Variants in ILKAP observed in about 807,000 individuals in gnomAD.
ILKAP encodes the protein integrin-linked kinase-associated serine/threonine phosphatase 2C.
A neutral mutation model predicts 49.1 loss-of-function variants in ILKAP; 11 were observed. The ratio of observed to expected loss-of-function variants is 0.22; its 90% CI spans 0.14 to 0.37. The LOEUF (loss-of-function observed/expected upper bound fraction) is 0.37, where lower values mean the gene tolerates loss of function less well. Among genes scored for constraint, ILKAP ranks in the 10% least tolerant of loss-of-function variants. The pLI, the probability that ILKAP is intolerant of heterozygous loss-of-function variation, is 1.00. For synonymous variants in ILKAP, 186 were observed against 192.8 expected, an observed-to-expected ratio of 0.96 and a Z score of 0.29; for missense variants, 363 against 510.8, an observed-to-expected ratio of 0.71 and a Z score of 2.79.
chr2:238,192,151 G>C (rs1439921387), intron 3 of ILKAP, among the ~76,000 whole-genome samples: 1 of 149,422 alleles, frequency 6.7e-6, no homozygotes, highest in Non-Finnish European at 1.5e-5. Context: ...AGGTTGCAGT[G>C]AGCTGAGATC....
In ILKAP at chr2:238,203,607, C is replaced by A; in HGVS notation, c.-54G>T. 1.9e-6 allele frequency: 2 copies of A among 1,072,330 alleles called. No individual in the cohort carries two copies. 66.4% of individuals were successfully genotyped at this position (1,072,330 alleles called of 1,614,324 possible). On this transcript the variant is annotated 5_prime_UTR_variant, in exon 1 of 12. Coordinates refer to ENST00000254654, the MANE Select transcript of ILKAP (RefSeq NM_030768.3). ...CGACAGACACTCAGCCCGCGAGCAG[C>A]GGCCGGGCTCCACACCCCGGGCGGG... is the stretch of plus-strand genomic sequence containing the variant.
At chr2:238,170,837 A>G in intron 11 of ILKAP, 106 bp downstream of exon 11, 1 of 1,443,174 alleles carries the variant, frequency 6.9e-7, no homozygotes, top group Non-Finnish European at 9.8e-7. Flanking sequence ...GAAAAAGGGC[A>G]CAAGGGCTGT....
intron 9 of ILKAP, among the ~76,000 whole-genome samples, chr2:238,174,371 C>T (rs1693356010): frequency 1.3e-5 from 2 of 152,202 alleles, no homozygotes; most frequent in South Asian, 2.1e-4. Context: ...GTCTAGGCTG[C>T]AGCACTGTCA....
Position 238,173,639 on chromosome 2 carries a change from A to C in ILKAP, c.851T>G (p.Leu284Trp). ...AGGNVRDGRV[L>W]GVLEVSRSIG... ...GGAGCGTGACACCTCTAGCACGCCC[A>C]AAACACGCCCATCCCTAAAATGAGA... Residue 284 changes from leucine to tryptophan, a missense_variant, in exon 10 of 12, where the codon TTG (leucine) becomes TGG (tryptophan). Leu to Trp is a moderately conservative substitution (Grantham distance 61, BLOSUM62 -2). This residue lies in a region of ILKAP where 166 missense variants were observed against 307.3 expected (regional missense o/e 0.54). Transcript: ENST00000254654. 2 of 1,613,730 alleles carry C rather than the reference A, an allele frequency of 1.2e-6. No homozygotes were observed. Among genetic ancestry groups the C allele is most frequent in the Non-Finnish European group, 1.7e-6 (2 of 1,179,646 alleles).
intron 1 of ILKAP, among the ~76,000 whole-genome samples, chr2:238,195,983 T>G (rs1694325333): frequency 8.3e-6 from 1 of 121,024 alleles, no homozygotes; most frequent in East Asian, 2.7e-4. Context: ...GGCCAAGGCT[T>G]CAGTGAGCCA....
In ILKAP at chr2:238,183,541, GA is replaced by G. The variant is rs1363312160; in HGVS notation, c.714+111del. On this transcript the variant is annotated intron_variant, in intron 8 of 11. Coordinates refer to ENST00000254654, the MANE Select transcript of ILKAP (RefSeq NM_030768.3). ...AGAACACTCTGCAGCAACCCCAGAA[GA>G]AAGGTTTCAACCAGACACCATCACT... 5 of 771,990 alleles carry G rather than the reference GA, an allele frequency of 6.5e-6. No homozygotes were observed. In the Admixed American group the frequency reaches 1.1e-4, roughly 18 times the overall value. 47.8% of individuals were successfully genotyped at this position (771,990 alleles called of 1,614,324 possible).
rs34504570 is a variant in ILKAP at position 238,196,086 on chromosome 2, CTTTT to C, written c.56-1220_56-1217del. Among the ~76,000 whole-genome samples, 51 of 77,458 alleles carry C rather than the reference CTTTT, an allele frequency of 6.6e-4. No individual in the cohort carries two copies. In the East Asian group the frequency reaches 8.0e-3, roughly 12 times the overall value. The allele number at this position is 77,458 out of a possible 152,430, so 50.8% of individuals were successfully genotyped here. A position where few individuals can be genotyped will look rare whatever the true frequency, so the allele number is the denominator to read the frequency against. ...AAGTACTCACTTAAAAACCAATTCA[CTTTT>C]TTTTTTTTTTTTTTTTTTTTTGAGA... On this transcript the variant is annotated intron_variant, in intron 1 of 11. Transcript: ENST00000254654.
chr2:238,203,651 G>T lies in ILKAP; in HGVS notation c.-98C>A. On this transcript the variant is annotated 5_prime_UTR_variant, in exon 1 of 12. Coordinates refer to ENST00000254654, the MANE Select transcript of ILKAP (RefSeq NM_030768.3). Reference sequence around the variant, plus strand: ...GGGCGGGCGGCAGCAGCGGGCGGGCGACGGGCAGGGGCGGCCGGCGCCGTC... The same window carrying T: ...GGGCGGGCGGCAGCAGCGGGCGGGCTACGGGCAGGGGCGGCCGGCGCCGTC... 1 of 676,696 alleles carries T rather than the reference G, an allele frequency of 1.5e-6. No homozygotes were observed. Among genetic ancestry groups the T allele is most frequent in the Non-Finnish European group, 1.9e-6 (1 of 514,364 alleles). The allele number at this position is 676,696 out of a possible 1,614,324, so 41.9% of individuals were successfully genotyped here.
intron 9 of ILKAP, among the ~76,000 whole-genome samples, chr2:238,177,498 T>C (rs1693511462): frequency 6.6e-6 from 1 of 152,180 alleles, no homozygotes; most frequent in Non-Finnish European, 1.5e-5. Flanking sequence ...CCAGAATTCA[T>C]ACCCCACACC....
intron 1 of ILKAP, among the ~76,000 whole-genome samples, chr2:238,198,352 C>T (rs1694431845): frequency 6.6e-6 from 1 of 152,052 alleles, no homozygotes; most frequent in Non-Finnish European, 1.5e-5. Flanking sequence ...AATCCTCCCT[C>T]GTCAGATTCC....
intron 1 of ILKAP, among the ~76,000 whole-genome samples, chr2:238,195,997 T>A (rs866345288): frequency 9.5e-6 from 1 of 104,834 alleles, no homozygotes; most frequent in South Asian, 3.4e-4. Flanking sequence ...TGAGCCATGA[T>A]TGGGCCACTG....
Position 238,194,284 on chromosome 2 carries a change from C to T in ILKAP, c.169G>A (p.Gly57Ser). ...TTTTCCTACCACTTACCTGAATCGC[C>T]ACTGCTAGCGGGTGGGAGATCATCA... ...LFDDLPPASS[G>S]DSGSLATSIS... Residue 57 changes from glycine (G) to serine (S), a missense_variant, in exon 3 of 12, where the codon GGC becomes AGC. Physicochemically the swap from Gly to Ser is moderately conservative, Grantham distance 56. Coordinates refer to ENST00000254654, the MANE Select transcript of ILKAP (RefSeq NM_030768.3). 1 of 1,614,026 alleles carries T rather than the reference C, an allele frequency of 6.2e-7. No individual in the cohort carries two copies. Among genetic ancestry groups the T allele is most frequent in the Non-Finnish European group, 8.5e-7 (1 of 1,179,936 alleles).
chr2:238,193,723 C>T (rs998783854), intron 3 of ILKAP, among the ~76,000 whole-genome samples: 1 of 152,120 alleles, frequency 6.6e-6, no homozygotes, highest in Non-Finnish European at 1.5e-5. Context: ...ACCTGCATTC[C>T]CCACTGCCCC....
Position 238,203,562 on chromosome 2 carries a change from C to G in ILKAP, c.-9G>C, listed in dbSNP as rs1316485332. On this transcript the variant is annotated 5_prime_UTR_variant, in exon 1 of 12. Transcript: ENST00000254654. ...TCCCCGAAGAGGTCCATGGCGGAGG[C>G]TGGGTGGAGGCGGCAGCAGCGACAG... The G allele has an allele frequency of 3.4e-6, 4 of 1,163,150 alleles. No individual in the cohort carries two copies. Among genetic ancestry groups the G allele is most frequent in the African/African-American group, 1.6e-5 (1 of 61,002 alleles). The allele number at this position is 1,163,150 out of a possible 1,614,324, so 72.1% of individuals were successfully genotyped here. A position where few individuals can be genotyped will look rare whatever the true frequency, so the allele number is the denominator to read the frequency against.
intron 9 of ILKAP, among the ~76,000 whole-genome samples, chr2:238,176,133 G>A (rs1693443670): frequency 2.1e-5 from 1 of 47,140 alleles, no homozygotes; most frequent in Non-Finnish European, 3.6e-5. Flanking sequence ...AGCAAGTAGT[G>A]GCTTTTTTTT....
chr2:238,172,025 G>GT (rs375667282), intron 10 of ILKAP, among the ~76,000 whole-genome samples: 48 of 151,226 alleles, frequency 3.2e-4, no homozygotes, highest in East Asian at 1.5e-3. Flanking sequence ...GTTTTTTTGT[G>GT]TTTTTTTTTC....
intron 1 of ILKAP, among the ~76,000 whole-genome samples, chr2:238,197,108 A>C (rs1352309211): frequency 6.6e-6 from 1 of 152,136 alleles, no homozygotes; most frequent in Non-Finnish European, 1.5e-5. Context: ...AAGCAGGAAA[A>C]CTGCTTGAAC....
In ILKAP at chr2:238,170,549, C is replaced by G; in HGVS notation, c.1166G>C (p.Arg389Pro). 3 of 1,603,144 alleles carry G rather than the reference C, an allele frequency of 1.9e-6. No homozygotes were observed. Among genetic ancestry groups the G allele is most frequent in the Non-Finnish European group, 2.6e-6 (3 of 1,171,658 alleles). ...SADNVTVMVVRIGH is the reference protein window; with the variant it reads ...SADNVTVMVVPIGH ...GCGCGCCACCCCTCAGTGCCCTATC[C>G]GCACCACCATCACAGTGACGTTGTC... The change falls in exon 12 of 12, where the codon CGG becomes CCG. Residue 389 changes from arginine (R) to proline (P), a missense_variant. Physicochemically the swap from Arg to Pro is moderately radical, Grantham distance 103. Around this residue, in one of 3 missense-constraint regions of ILKAP, gnomAD observed 83 missense variants for 87.5 expected, o/e 0.95. Coordinates refer to ENST00000254654, the MANE Select transcript of ILKAP (RefSeq NM_030768.3).
At chr2:238,196,955 C>T (rs1694368526) in intron 1 of ILKAP, among the ~76,000 whole-genome samples, 1 of 152,172 alleles carries the variant, frequency 6.6e-6, no homozygotes, top group African/African-American at 2.4e-5. Context: ...ATAATCCCAG[C>T]ACTTTGGGAG....
Sources: gnomAD v4.1 joint callset for allele counts (sites outside exome capture counted in the v4.1 genomes callset) on GRCh38, gnomAD v4.1.1 for gene constraint, gnomAD v4.1.1 regional missense constraint, MANE v1.5 for transcripts, NCBI Gene and HGNC (gene_info 2026-07-23, HGNC 2026-07-21) for gene names.